Variants in IMMP2L observed in about 807,000 individuals in gnomAD.
IMMP2L encodes the protein mitochondrial inner membrane protease subunit 2.
A neutral mutation model predicts 19.3 loss-of-function variants in IMMP2L; 18 were observed. That is an observed-to-expected ratio of 0.93 (90% CI 0.64 to 1.38). IMMP2L has a LOEUF of 1.38. IMMP2L is among the 40% of genes most tolerant of loss of function. The probability of loss-of-function intolerance (pLI) is 0.00; values close to 1 mark genes in which losing one functional copy is unlikely to be tolerated. For missense variants in IMMP2L, 233 were observed against 218.2 expected, an observed-to-expected ratio of 1.07 and a Z score of -0.43; for synonymous variants, 76 against 73.0, an observed-to-expected ratio of 1.04 and a Z score of -0.21.
chr7:110,812,239 A>G (rs539720106), intron 5 of IMMP2L, among the ~76,000 whole-genome samples: 33 of 152,164 alleles, frequency 2.2e-4, no homozygotes, highest in African/African-American at 7.7e-4. Flanking sequence ...TCTGTATTCT[A>G]ACAAATAGAG....
At chr7:111,057,945 T>A (rs768484496) in intron 3 of IMMP2L, among the ~76,000 whole-genome samples, 1 of 152,204 alleles carries the variant, frequency 6.6e-6, no homozygotes, top group African/African-American at 2.4e-5. Context: ...ATACAGCATA[T>A]GTATATGTGT....
intron 3 of IMMP2L, among the ~76,000 whole-genome samples, chr7:111,192,926 T>G (rs1586764135): frequency 6.6e-6 from 1 of 151,988 alleles, no homozygotes; most frequent in African/African-American, 2.4e-5. Context: ...TCACATAGAT[T>G]GTACAGTGAT....
chr7:111,252,486 A>G (rs751491735), intron 3 of IMMP2L, among the ~76,000 whole-genome samples: 1 of 152,130 alleles, frequency 6.6e-6, no homozygotes, highest in Non-Finnish European at 1.5e-5. Context: ...AATAGCTGTC[A>G]TATGATTGGA....
At chr7:111,118,245 T>C (rs1800131726) in intron 3 of IMMP2L, among the ~76,000 whole-genome samples, 1 of 152,040 alleles carries the variant, frequency 6.6e-6, no homozygotes, top group Non-Finnish European at 1.5e-5. Flanking sequence ...TCTATGATAA[T>C]GCCTGCCAAA....
At chr7:110,927,321 T>C (rs1396962949) in intron 4 of IMMP2L, among the ~76,000 whole-genome samples, 1 of 152,124 alleles carries the variant, frequency 6.6e-6, no homozygotes. Flanking sequence ...TTGTTACTCT[T>C]GTGCGAAAGG....
chr7:111,522,295 T>C (rs751773927), intron 1 of IMMP2L, among the ~76,000 whole-genome samples: 1 of 151,924 alleles, frequency 6.6e-6, no homozygotes, highest in Non-Finnish European at 1.5e-5. Context: ...CAGTCAATCA[T>C]AGCAAAAACA....
chr7:111,362,682 A>T (rs1469979583), intron 3 of IMMP2L, among the ~76,000 whole-genome samples: 1 of 152,124 alleles, frequency 6.6e-6, no homozygotes, highest in Non-Finnish European at 1.5e-5. Context: ...AAACCATATG[A>T]GTTGCAAAAG....
intron 3 of IMMP2L, among the ~76,000 whole-genome samples, chr7:111,304,786 G>T (rs900264525): frequency 4.7e-5 from 7 of 148,704 alleles, no homozygotes; most frequent in African/African-American, 1.5e-4. Flanking sequence ...TGACCCACAT[G>T]TTACTTTAAA....
chr7:110,858,260 G>A (rs559629948), intron 5 of IMMP2L, among the ~76,000 whole-genome samples: 3 of 151,918 alleles, frequency 2.0e-5, no homozygotes, highest in African/African-American at 2.4e-5. Context: ...TTTGGGCTTG[G>A]GCTTGTTCTA....
chr7:111,374,480 C>A (rs749221117), intron 3 of IMMP2L, among the ~76,000 whole-genome samples: 1 of 152,070 alleles, frequency 6.6e-6, no homozygotes, highest in Non-Finnish European at 1.5e-5. Flanking sequence ...CAAGACTCAA[C>A]AATTCCACAA....
intron 5 of IMMP2L, among the ~76,000 whole-genome samples, chr7:110,789,368 C>T (rs1363213027): frequency 1.3e-5 from 2 of 151,748 alleles, no homozygotes; most frequent in Non-Finnish European, 1.5e-5. Flanking sequence ...ACAACTTGTA[C>T]TCATCTTTAG....
At chr7:111,227,452 A>T (rs546667754) in intron 3 of IMMP2L, among the ~76,000 whole-genome samples, 1 of 152,140 alleles carries the variant, frequency 6.6e-6, no homozygotes, top group Non-Finnish European at 1.5e-5. Flanking sequence ...GACTATAAGG[A>T]TTAGTTATTT....
intron 5 of IMMP2L, among the ~76,000 whole-genome samples, chr7:110,857,097 T>C (rs1467155976): frequency 6.6e-6 from 1 of 152,086 alleles, no homozygotes; most frequent in African/African-American, 2.4e-5. Context: ...GCTTTTGGGA[T>C]AGCTATTTGT....
intron 3 of IMMP2L, chr7:111,124,932 C>CAAAAAAAAAAAAAAAAAAAAAA: frequency 1.1e-6 from 1 of 888,504 alleles, no homozygotes. Context: ...CAAAAATGAA[C>CAAAAAAAAAAAAAAAAAAAAAA]AAAAAAAAAA....
At chr7:111,546,231 A>G (rs1245687496) in intron 1 of IMMP2L, among the ~76,000 whole-genome samples, 5 of 152,084 alleles carry the variant, frequency 3.3e-5, no homozygotes, top group Admixed American at 3.3e-4. Flanking sequence ...AATGCTATAT[A>G]TATTTCAAAT....
chr7:111,317,495 G>C (rs1384881030), intron 3 of IMMP2L, among the ~76,000 whole-genome samples: 2 of 151,982 alleles, frequency 1.3e-5, no homozygotes, highest in Non-Finnish European at 2.9e-5. Flanking sequence ...AGACTCCCTA[G>C]ATATTCAGTA....
At chr7:111,051,255 A>G (rs970648075) in intron 3 of IMMP2L, among the ~76,000 whole-genome samples, 1 of 152,204 alleles carries the variant, frequency 6.6e-6, no homozygotes, top group Non-Finnish European at 1.5e-5. Context: ...CTATATTGTC[A>G]GCATTTTAAT....
chr7:111,412,668 A>T (rs1834540336), intron 3 of IMMP2L, among the ~76,000 whole-genome samples: 1 of 151,880 alleles, frequency 6.6e-6, no homozygotes, highest in African/African-American at 2.4e-5. Flanking sequence ...ACACACTAAA[A>T]ATCACATAGG....
At chr7:110,992,621 TATATAA>T (rs1472801332) in intron 3 of IMMP2L, among the ~76,000 whole-genome samples, 1 of 151,702 alleles carries the variant, frequency 6.6e-6, no homozygotes, top group East Asian at 1.9e-4. Context: ...GCAAAATATT[TATATAA>T]ATATAAGATA....
Sources: allele counts gnomAD v4.1 joint callset (sites outside exome capture counted in the v4.1 genomes callset), GRCh38; gene constraint gnomAD v4.1.1; transcripts MANE v1.5; gene names NCBI Gene and HGNC (gene_info 2026-07-23, HGNC 2026-07-21).